EFCAB5: variants seen among roughly 807,000 people sequenced by gnomAD.
The protein encoded by EFCAB5 is EF-hand calcium binding domain 5, also known as EF-hand calcium-binding domain-containing protein 5.
A neutral mutation model predicts 167.9 loss-of-function variants in EFCAB5; 131 were observed. That is an observed-to-expected ratio of 0.78 (90% CI 0.68 to 0.90). The LOEUF (loss-of-function observed/expected upper bound fraction) is 0.90, where lower values mean the gene tolerates loss of function less well. EFCAB5 is among the 40% of genes least tolerant of loss of function. The pLI is 0.00. For missense variants in EFCAB5, 1,663 were observed against 1,745.2 expected (o/e 0.95, Z 0.84); for synonymous variants, 574 against 602.8 (o/e 0.95, Z 0.70).
At chr17:30,057,023 A>G (rs1471204573) in intron 12 of EFCAB5, among the ~76,000 whole-genome samples, 1 of 152,232 alleles carries the variant, frequency 6.6e-6, no homozygotes, top group East Asian at 1.9e-4. Flanking sequence ...CACTTTGCTG[A>G]CATTTTATGA....
chr17:30,036,345 TAC>T (rs2069627158), intron 8 of EFCAB5, among the ~76,000 whole-genome samples: 1 of 115,990 alleles, frequency 8.6e-6, no homozygotes, highest in South Asian at 2.3e-4. Context: ...TTATATATAA[TAC>T]ACATATATAA....
chr17:30,101,747 G>A (rs1022893091), intron 22 of EFCAB5, among the ~76,000 whole-genome samples: 2 of 152,120 alleles, frequency 1.3e-5, no homozygotes, highest in Non-Finnish European at 2.9e-5. Context: ...GAGGAAATGG[G>A]GTCAAGGTTT....
In EFCAB5 at chr17:30,054,104, T is replaced by A. The variant is rs780565882; in HGVS notation, c.2150T>A (p.Leu717Gln). The A allele has an allele frequency of 6.4e-7, 1 of 1,574,464 alleles. No homozygotes were observed. Among genetic ancestry groups the A allele is most frequent in the Non-Finnish European group, 8.6e-7 (1 of 1,160,908 alleles). The change falls in exon 10 of 23, where the codon CTG becomes CAG. Residue 717 changes from leucine to glutamine, a missense_variant. Coordinates refer to ENST00000394835, the MANE Select transcript of EFCAB5 (RefSeq NM_198529.4). ...YEEEIFLSSE[L>Q]QEEVPTLSRK... ...GAGGAAATATTCCTGAGTTCTGAAC[T>A]GCAAGAGGAAGTTCCAACCTTAAGC...
intron 7 of EFCAB5, among the ~76,000 whole-genome samples, chr17:30,003,596 A>T (rs1410832348): frequency 2.7e-5 from 4 of 150,302 alleles, no homozygotes; most frequent in Non-Finnish European, 4.4e-5. Context: ...AAAAAAAGAG[A>T]TGTGATCCTC....
In EFCAB5 at chr17:30,087,186, T is replaced by C. The variant is rs1038853989; in HGVS notation, c.3683+20T>C. ...CTTCAGGTTAGAGACATGTCTGTTT[T>C]GTTTGACTGCTAGAACACATCCTTC... On this transcript the variant is annotated intron_variant, in intron 19 of 22. Transcript: ENST00000394835. 5.6e-6 allele frequency: 9 copies of C among 1,604,060 alleles called. No homozygotes were observed. The African/African-American group carries it at 1.2e-4, about 21-fold the overall frequency.
chr17:30,018,011 T>C (rs1390042468), intron 7 of EFCAB5, among the ~76,000 whole-genome samples: 1 of 152,198 alleles, frequency 6.6e-6, no homozygotes, highest in Non-Finnish European at 1.5e-5. Context: ...GAAGATCACA[T>C]GGGTGCTATA....
At chr17:30,003,382 T>A (rs2068707139) in intron 7 of EFCAB5, among the ~76,000 whole-genome samples, 1 of 152,008 alleles carries the variant, frequency 6.6e-6, no homozygotes, top group Admixed American at 6.6e-5. Context: ...ACCACAGTCA[T>A]GCACCACCAT....
In EFCAB5 at chr17:30,056,025, G is replaced by A. The variant is rs778782302; in HGVS notation, c.2273-39G>A. The A allele has an allele frequency of 2.0e-5, 32 of 1,612,784 alleles. No individual in the cohort carries two copies. In the Admixed American group the frequency reaches 2.7e-4, roughly 13 times the overall value. On this transcript the variant is annotated intron_variant, in intron 11 of 22. Coordinates refer to ENST00000394835, the MANE Select transcript of EFCAB5 (RefSeq NM_198529.4). Reference sequence around the variant, plus strand: ...CCTAGAACAAAAATATTGTGAAAGCGAAGTTTGATTGGCTATGTTATGGAA... The same window carrying A: ...CCTAGAACAAAAATATTGTGAAAGCAAAGTTTGATTGGCTATGTTATGGAA...
chr17:30,032,306 C>G (rs1011847859), intron 7 of EFCAB5, among the ~76,000 whole-genome samples: 3 of 152,186 alleles, frequency 2.0e-5, no homozygotes, highest in Non-Finnish European at 2.9e-5. Flanking sequence ...CTCTCCATAA[C>G]AGACTTTCCC....
At position 30,053,637 on chromosome 17, in the gene EFCAB5, G is replaced by A. The variant is rs9900546; in HGVS notation, c.1683G>A (p.Arg561=). 1 of 1,613,744 alleles carries A rather than the reference G, an allele frequency of 6.2e-7. No individual in the cohort carries two copies. The highest frequency in any genetic ancestry group is 1.7e-5 in the Admixed American group (1 of 60,008). The change falls in exon 10 of 23, where the codon AGG becomes AGA. Residue 561 remains arginine, a synonymous_variant. Coordinates refer to ENST00000394835, the MANE Select transcript of EFCAB5 (RefSeq NM_198529.4). ...CTCTAGAACAAGGGTCAAGTAGAAG[G>A]TTACTGACAGAACAAGAAACACACA... ...ESTLEQGSSR[R]LLTEQETHRE...
At chr17:29,967,038 T>G (rs1289351954) in intron 3 of EFCAB5, among the ~76,000 whole-genome samples, 1 of 152,188 alleles carries the variant, frequency 6.6e-6, no homozygotes, top group Non-Finnish European at 1.5e-5. Flanking sequence ...TACGTTCTCT[T>G]AAGTGTTCTT....
rs865786230 is a variant in EFCAB5 at position 30,092,272 on chromosome 17, G to C, written c.4224+115G>C. ...GTACAAATGCAAGAATTTTTACTGA[G>C]TGGAACACGTTCACGTAACCAGACC... On this transcript the variant is annotated intron_variant, in intron 21 of 22. Coordinates refer to ENST00000394835, the MANE Select transcript of EFCAB5 (RefSeq NM_198529.4). The C allele has an allele frequency of 7.3e-6, 8 of 1,099,668 alleles. No individual in the cohort carries two copies. In the African/African-American group the frequency reaches 9.5e-5, roughly 13 times the overall value. The allele number at this position is 1,099,668 out of a possible 1,614,324, so 68.1% of individuals were successfully genotyped here.
intron 7 of EFCAB5, among the ~76,000 whole-genome samples, chr17:30,002,718 T>C (rs1348266430): frequency 1.3e-5 from 2 of 152,008 alleles, no homozygotes; most frequent in Admixed American, 1.3e-4. Flanking sequence ...ATTTAGAGAA[T>C]TTCTTCTATA....
chr17:30,030,503 C>A (rs983326015), intron 7 of EFCAB5, among the ~76,000 whole-genome samples: 7 of 152,116 alleles, frequency 4.6e-5, no homozygotes, highest in African/African-American at 1.7e-4. Context: ...ACCATTATGC[C>A]TGGCTAATTT....
intron 14 of EFCAB5, among the ~76,000 whole-genome samples, chr17:30,060,852 C>T (rs939389142): frequency 3.9e-5 from 6 of 152,168 alleles, no homozygotes; most frequent in African/African-American, 1.4e-4. Context: ...GTAGTTATAG[C>T]AGCTGGGTTC....
Position 30,089,771 on chromosome 17 carries a change from G to A in EFCAB5, c.3684-650G>A, listed in dbSNP as rs191428681. On this transcript the variant is annotated intron_variant, in intron 19 of 22. Coordinates refer to ENST00000394835, the MANE Select transcript of EFCAB5 (RefSeq NM_198529.4). ...GCCCAAACTGCCCACACACACCCAG[G>A]GCAGCTTAGAGCCAATGACTGACTA... Among the ~76,000 whole-genome samples the A allele has an allele frequency of 2.4e-3, 364 of 152,212 alleles. 1 individual carries two copies. The highest frequency in any genetic ancestry group is 8.6e-3 in the African/African-American group (356 of 41,520).
At chr17:30,014,658 T>G (rs191570148) in intron 7 of EFCAB5, among the ~76,000 whole-genome samples, 62 of 152,296 alleles carry the variant, frequency 4.1e-4, no homozygotes, top group Non-Finnish European at 5.9e-4. Context: ...GCTTGGTAGA[T>G]CTTCCTCCAT....
At chr17:30,084,469 A>G (rs1383565722) in intron 18 of EFCAB5, among the ~76,000 whole-genome samples, 1 of 152,234 alleles carries the variant, frequency 6.6e-6, no homozygotes, top group Non-Finnish European at 1.5e-5. Context: ...TTCAGAACCA[A>G]GAGTCCACAG....
intron 7 of EFCAB5, among the ~76,000 whole-genome samples, chr17:30,014,514 T>A (rs2068985258): frequency 6.6e-6 from 1 of 152,230 alleles, no homozygotes; most frequent in African/African-American, 2.4e-5. Flanking sequence ...TTTAGGATAG[T>A]TAGCTCTTCT....
Sources: gnomAD v4.1 joint callset for allele counts (sites outside exome capture counted in the v4.1 genomes callset) on GRCh38, gnomAD v4.1.1 for gene constraint, MANE v1.5 for transcripts, NCBI Gene and HGNC (gene_info 2026-07-23, HGNC 2026-07-21) for gene names.